BORCS5: variants seen among roughly 807,000 people sequenced by gnomAD.
BORCS5 encodes the protein BLOC-1-related complex subunit 5.
A neutral mutation model predicts 22.1 loss-of-function variants in BORCS5; 17 were observed. The observed-to-expected ratio is 0.77, with a 90% CI of 0.53 to 1.15. The LOEUF is 1.15. Ranked by LOEUF, BORCS5 falls within the 50% of genes most tolerant of loss-of-function variation. The pLI is 0.00. For synonymous variants in BORCS5, 117 were observed against 99.8 expected, an observed-to-expected ratio of 1.17 and a Z score of -1.03; for missense variants, 247 against 253.2, an observed-to-expected ratio of 0.98 and a Z score of 0.17.
chr12:12,385,916 G>A (rs754563366), intron 2 of BORCS5, among the ~76,000 whole-genome samples: 1 of 151,086 alleles, frequency 6.6e-6, no homozygotes, highest in Non-Finnish European at 1.5e-5. Flanking sequence ...TATGAATTAT[G>A]TTCAGCTTTA....
At chr12:12,391,036 T>C (rs1177757045) in intron 2 of BORCS5, among the ~76,000 whole-genome samples, 1 of 152,090 alleles carries the variant, frequency 6.6e-6, no homozygotes, top group African/African-American at 2.4e-5. Context: ...TTTCCATCCA[T>C]TGGTTCCAAC....
chr12:12,402,681 C>G (rs1422717577), intron 2 of BORCS5, among the ~76,000 whole-genome samples: 1 of 152,124 alleles, frequency 6.6e-6, no homozygotes, highest in Non-Finnish European at 1.5e-5. Flanking sequence ...TCCCCTTTTT[C>G]CCATAAGTCC....
intron 2 of BORCS5, among the ~76,000 whole-genome samples, chr12:12,389,778 G>A (rs1941121782): frequency 6.6e-6 from 1 of 152,066 alleles, no homozygotes; most frequent in Non-Finnish European, 1.5e-5. Flanking sequence ...CGAGTAGCAG[G>A]GATTACAGGC....
chr12:12,407,911 T>C (rs1362570403), intron 2 of BORCS5, among the ~76,000 whole-genome samples: 1 of 152,058 alleles, frequency 6.6e-6, no homozygotes, highest in Non-Finnish European at 1.5e-5. Flanking sequence ...GGTTTCACCA[T>C]GTTGCCCAGG....
intron 2 of BORCS5, among the ~76,000 whole-genome samples, chr12:12,397,742 C>G (rs1941384129): frequency 1.3e-5 from 2 of 152,276 alleles, no homozygotes; most frequent in South Asian, 4.1e-4. Context: ...TATTGATTTT[C>G]CAAGAGCATT....
chr12:12,377,596 G>T (rs114758383), intron 2 of BORCS5, among the ~76,000 whole-genome samples: 1 of 151,942 alleles, frequency 6.6e-6, no homozygotes, highest in East Asian at 1.9e-4. Flanking sequence ...TAGATGTCAT[G>T]GGGGAAAAGA....
At chr12:12,446,687 GACTGACTATAGTATTATAAGACTTT>G (rs1942797644) in intron 3 of BORCS5, among the ~76,000 whole-genome samples, 1 of 152,158 alleles carries the variant, frequency 6.6e-6, no homozygotes, top group Non-Finnish European at 1.5e-5. Context: ...CACGTTGACA[GACTGACTATAGTATTATAAGACTTT>G]AGTTGACGTC....
intron 3 of BORCS5, among the ~76,000 whole-genome samples, chr12:12,463,961 C>T (rs1047366298): frequency 2.6e-5 from 4 of 152,112 alleles, no homozygotes; most frequent in Non-Finnish European, 2.9e-5. Flanking sequence ...ATGTGATGCC[C>T]GAGAAGGTTC....
chr12:12,448,214 T>C (rs1174398153), intron 3 of BORCS5, among the ~76,000 whole-genome samples: 1 of 151,958 alleles, frequency 6.6e-6, no homozygotes, highest in Non-Finnish European at 1.5e-5. Context: ...TTTATTTTTA[T>C]TTATTTATTT....
intron 2 of BORCS5, 135 bp from the exon 3 acceptor site, chr12:12,435,493 T>G (rs1267559694): frequency 2.7e-6 from 2 of 747,204 alleles, no homozygotes; most frequent in Non-Finnish European, 4.2e-6. Context: ...TTGCAACGAT[T>G]GTCATTAACA....
At chr12:12,463,390 A>G (rs1943146632) in intron 3 of BORCS5, among the ~76,000 whole-genome samples, 1 of 152,220 alleles carries the variant, frequency 6.6e-6, no homozygotes, top group South Asian at 2.1e-4. Flanking sequence ...AACTTTCCCT[A>G]CATGTGATCT....
intron 3 of BORCS5, 195 bp downstream of exon 3, chr12:12,435,980 T>G: frequency 1.9e-6 from 1 of 513,616 alleles, no homozygotes; most frequent in South Asian, 3.0e-5. Flanking sequence ...TCACCACTGA[T>G]TTGCTTGGCC....
At chr12:12,396,446 G>T (rs921495345) in intron 2 of BORCS5, among the ~76,000 whole-genome samples, 2 of 152,186 alleles carry the variant, frequency 1.3e-5, no homozygotes, top group African/African-American at 4.8e-5. Flanking sequence ...GCGGAGGGTG[G>T]GGTGGGTAGA....
At chr12:12,423,847 C>T (rs188516044) in intron 2 of BORCS5, among the ~76,000 whole-genome samples, 8 of 152,188 alleles carry the variant, frequency 5.3e-5, no homozygotes, top group Non-Finnish European at 1.2e-4. Context: ...TGCCACCACG[C>T]CTGGCTAATT....
chr12:12,462,800 G>C (rs1943133626), intron 3 of BORCS5, among the ~76,000 whole-genome samples: 1 of 152,056 alleles, frequency 6.6e-6, no homozygotes, highest in African/African-American at 2.4e-5. Flanking sequence ...GGGACTATAG[G>C]CGCACACTGC....
intron 2 of BORCS5, among the ~76,000 whole-genome samples, chr12:12,429,241 C>T (rs1448432894): frequency 6.6e-6 from 1 of 152,214 alleles, no homozygotes; most frequent in Non-Finnish European, 1.5e-5. Context: ...TTCTGTCCTT[C>T]TCCCTCTTTT....
In BORCS5 at chr12:12,469,645, A is replaced by G. The variant is rs1592150664; in HGVS notation, c.*3869A>G. On this transcript the variant is annotated 3_prime_UTR_variant, in exon 4 of 4. Coordinates refer to ENST00000314565, the MANE Select transcript of BORCS5 (RefSeq NM_058169.6). ...TAGTAATTCCCAAGGCAAAACCAGGAATTGTCAGAGACGTGACCAGACATG... is the reference window on the plus strand; with the variant it reads ...TAGTAATTCCCAAGGCAAAACCAGGGATTGTCAGAGACGTGACCAGACATG... 6.6e-6 allele frequency: 1 copy of G among 152,232 alleles called. No individual in the cohort carries two copies. The highest frequency in any genetic ancestry group is 1.5e-5 in the Non-Finnish European group (1 of 68,048). 9.4% of individuals were successfully genotyped at this position (152,232 alleles called of 1,614,324 possible). A position where few individuals can be genotyped will look rare whatever the true frequency, so the allele number is the denominator to read the frequency against.
rs1943192877 is a variant in BORCS5, at chr12:12,465,835, G to A, written c.*59G>A. Reference sequence around the variant, plus strand: ...AGACACCGACACCCTGAGGACGTGTGGAGCTAAGGTCATATCATCTGACCA... The same window carrying A: ...AGACACCGACACCCTGAGGACGTGTAGAGCTAAGGTCATATCATCTGACCA... On this transcript the variant is annotated 3_prime_UTR_variant, in exon 4 of 4. Coordinates refer to ENST00000314565, the MANE Select transcript of BORCS5 (RefSeq NM_058169.6). The A allele has an allele frequency of 1.0e-5, 15 of 1,439,902 alleles. No homozygotes were observed. The South Asian group carries it at 1.7e-4, about 16-fold the overall frequency. 89.2% of individuals were successfully genotyped at this position (1,439,902 alleles called of 1,614,324 possible). A position where few individuals can be genotyped will look rare whatever the true frequency, so the allele number is the denominator to read the frequency against.
At chr12:12,420,445 G>A (rs1033959838) in intron 2 of BORCS5, among the ~76,000 whole-genome samples, 18 of 152,132 alleles carry the variant, frequency 1.2e-4, no homozygotes, top group Admixed American at 2.0e-4. Context: ...TTTGGTTACT[G>A]TAGCCTTGTA....
Sources: allele counts gnomAD v4.1 joint callset (sites outside exome capture counted in the v4.1 genomes callset), GRCh38; gene constraint gnomAD v4.1.1; transcripts MANE v1.5; gene names NCBI Gene and HGNC (gene_info 2026-07-23, HGNC 2026-07-21).